Variants in SSC5D observed in about 807,000 individuals in gnomAD.
SSC5D encodes the protein soluble scavenger receptor cysteine-rich domain-containing protein SSC5D.
SSC5D carries 106 observed loss-of-function variants against 104.6 expected under a neutral mutation model. The observed-to-expected ratio is 1.01, with a 90% confidence interval of 0.87 to 1.19. SSC5D has a LOEUF of 1.19. SSC5D is among the 50% of genes most tolerant of loss of function. SSC5D has a pLI of 0.00. For missense variants in SSC5D, 1,993 were observed against 2,153.8 expected, an observed-to-expected ratio of 0.93 and a Z score of 1.48; for synonymous variants, 860 against 883.5, an observed-to-expected ratio of 0.97 and a Z score of 0.47.
At chr19:55,493,500 G>A in intron 6 of SSC5D, 95 bp from the exon 7 acceptor site, 3 of 1,101,050 alleles carry the variant, frequency 2.7e-6, no homozygotes, top group Non-Finnish European at 2.4e-6. Flanking sequence ...TTGCTTCCCA[G>A]AGTCATCTTG....
At chr19:55,504,742 T>G (rs1354022720) in intron 12 of SSC5D, among the ~76,000 whole-genome samples, 1 of 152,066 alleles carries the variant, frequency 6.6e-6, no homozygotes, top group East Asian at 1.9e-4. Context: ...CGTGATCCAC[T>G]CGCCTTGGCC....
intron 13 of SSC5D, among the ~76,000 whole-genome samples, chr19:55,515,090 G>A (rs996297759): frequency 6.6e-6 from 1 of 152,154 alleles, no homozygotes; most frequent in African/African-American, 2.4e-5. Flanking sequence ...AGATCTGTGT[G>A]GTTCAATACG....
At chr19:55,504,130 G>T (rs1179505666) in intron 12 of SSC5D, 1 of 1,535,414 alleles carries the variant, frequency 6.5e-7, no homozygotes. Context: ...GGAAGCGGGA[G>T]CTCCGAGAGG....
chr19:55,500,917 G>T lies in SSC5D; in HGVS notation c.2617+113G>T. 2.0e-6 allele frequency: 3 copies of T among 1,499,020 alleles called. No individual in the cohort carries two copies. Among genetic ancestry groups the T allele is most frequent in the Non-Finnish European group, 2.7e-6 (3 of 1,111,038 alleles). The allele number at this position is 1,499,020 out of a possible 1,614,324, so 92.9% of individuals were successfully genotyped here. On this transcript the variant is annotated intron_variant, in intron 11 of 13. Transcript: ENST00000389623. This position sits in a 1 kb window ranked among gnomAD's most constrained non-coding sequence, Gnocchi z 4.6. Reference sequence around the variant, plus strand: ...GACTCTAAAGAACTGGGTATGAGGGGTCGGGGTGGGGAGATCCCAGAGTTG... The same window carrying T: ...GACTCTAAAGAACTGGGTATGAGGGTTCGGGGTGGGGAGATCCCAGAGTTG...
chr19:55,507,943 G>A (rs1987674973), intron 12 of SSC5D, among the ~76,000 whole-genome samples: 2 of 152,090 alleles, frequency 1.3e-5, no homozygotes, highest in African/African-American at 4.8e-5. Flanking sequence ...GACCAAGGGA[G>A]ATGTGGATGT....
At chr19:55,491,209 C>T (rs1455113837) in intron 6 of SSC5D, 129 bp downstream of exon 6, 16 of 1,034,928 alleles carry the variant, frequency 1.5e-5, no homozygotes, top group South Asian at 3.4e-5. Context: ...GCATGCCCAG[C>T]GCCCACTCAC....
intron 13 of SSC5D, among the ~76,000 whole-genome samples, chr19:55,514,849 C>T (rs541324968): frequency 2.0e-5 from 3 of 152,180 alleles, no homozygotes; most frequent in East Asian, 3.9e-4. Context: ...AAGGGAGATA[C>T]GCGGATCATC....
intron 8 of SSC5D, among the ~76,000 whole-genome samples, chr19:55,495,523 G>A (rs1022044879): frequency 2.2e-4 from 33 of 149,900 alleles, no homozygotes; most frequent in Middle Eastern, 3.5e-3. Flanking sequence ...GTGAGCCACC[G>A]TGCCTGGTCT....
intron 1 of SSC5D, 41 bp downstream of exon 1, chr19:55,488,655 C>T: frequency 2.0e-6 from 3 of 1,531,134 alleles, no homozygotes; most frequent in Non-Finnish European, 2.7e-6. Flanking sequence ...GGGGCCTAGG[C>T]CCCCACCTCT....
intron 1 of SSC5D, 113 bp from the exon 2 acceptor site, chr19:55,488,893 T>G: frequency 2.2e-5 from 2 of 92,756 alleles, no homozygotes; most frequent in South Asian, 1.7e-4. Flanking sequence ...TGTGTGTGTG[T>G]GTGTGTGTGT....
At chr19:55,491,201 A>T in intron 6 of SSC5D, 121 bp downstream of exon 6, 1 of 1,153,200 alleles carries the variant, frequency 8.7e-7, no homozygotes. Context: ...TGCTCTCTGC[A>T]TGCCCAGCGC....
chr19:55,495,598 G>A (rs1401351751), intron 8 of SSC5D, among the ~76,000 whole-genome samples: 1 of 151,854 alleles, frequency 6.6e-6, no homozygotes, highest in Non-Finnish European at 1.5e-5. Flanking sequence ...GAGGTATGGT[G>A]AGGCCAGGAT....
intron 4 of SSC5D, 132 bp from the exon 5 acceptor site, chr19:55,490,154 GCCCGCCCCCTGC>G (rs1448089765): frequency 1.6e-6 from 1 of 606,996 alleles, no homozygotes; most frequent in Non-Finnish European, 2.9e-6. Flanking sequence ...GGGACACACA[GCCCGCCCCCTGC>G]CCCGCCCCGT....
At chr19:55,491,292 C>T in intron 6 of SSC5D, 1 of 615,484 alleles carries the variant, frequency 1.6e-6, no homozygotes, top group Non-Finnish European at 2.8e-6. Flanking sequence ...AGGCTTGAGG[C>T]TTGGGCTAGT....
Position 55,493,785 on chromosome 19 carries a change from G to A in SSC5D, c.1086G>A (p.Gly362=). The change falls in exon 7 of 14, where the codon GGG becomes GGA. Residue 362 remains glycine, a synonymous_variant. Transcript: ENST00000389623. ...CCGGGGGCGCCTTCTTTGGGGAGGGGTCTGGACCCATCATCCTGGACGACC... is the reference window on the plus strand; with the variant it reads ...CCGGGGGCGCCTTCTTTGGGGAGGGATCTGGACCCATCATCCTGGACGACC... ...AAPGGAFFGE[G]SGPIILDDLR... is the part of the protein sequence containing the mutation. 6.5e-7 allele frequency: 1 copy of A among 1,548,072 alleles called. No individual in the cohort carries two copies. The highest frequency in any genetic ancestry group is 8.7e-7 in the Non-Finnish European group (1 of 1,146,292).
At chr19:55,512,990 C>A (rs897806860) in intron 12 of SSC5D, 21 bp from the exon 13 acceptor site, 4 of 1,551,748 alleles carry the variant, frequency 2.6e-6, no homozygotes, top group Non-Finnish European at 2.6e-6. Context: ...AGACTCAATC[C>A]TCTTCCCCAT....
At position 55,494,709 on chromosome 19, in the gene SSC5D, A is replaced by T; in HGVS notation, c.1313A>T (p.Gln438Leu). 1 of 1,550,540 alleles carries T rather than the reference A, an allele frequency of 6.4e-7. No homozygotes were observed. The highest frequency in any genetic ancestry group is 8.7e-7 in the Non-Finnish European group (1 of 1,146,666). Reference protein sequence around the residue: ...ASRPPSTMTSQAPGTAGVSPP... With the variant: ...ASRPPSTMTSLAPGTAGVSPP... Reference sequence around the variant, plus strand: ...AGGCCCCCGTCCACCATGACGAGCCAGGCTCCAGGGACGGCAGGCGTTTCA... The same window carrying T: ...AGGCCCCCGTCCACCATGACGAGCCTGGCTCCAGGGACGGCAGGCGTTTCA... The change falls in exon 8 of 14, where the codon CAG (glutamine) becomes CTG (leucine). Residue 438 changes from glutamine (Q) to leucine (L), a missense_variant. By Grantham distance (113) the Gln-to-Leu change is moderately radical. This residue lies in a region of SSC5D where 1,101 missense variants were observed against 1,085.0 expected (regional missense o/e 1.01). Coordinates refer to ENST00000389623, the MANE Select transcript of SSC5D (RefSeq NM_001144950.2).
chr19:55,507,558 C>T (rs538097648), intron 12 of SSC5D, among the ~76,000 whole-genome samples: 2 of 149,116 alleles, frequency 1.3e-5, no homozygotes, highest in East Asian at 2.0e-4. Flanking sequence ...CCCAGCTACT[C>T]GGGAGGCTGA....
At position 55,494,321 on chromosome 19, in the gene SSC5D, C is replaced by A. The variant is rs8106550; in HGVS notation, c.1214-289C>A. 3.4e-3 allele frequency among the ~76,000 whole-genome samples: 525 copies of A among 152,264 alleles called. 3 individuals carry two copies. The highest frequency in any genetic ancestry group is 0.012 in the African/African-American group (510 of 41,552). ...AGCCCTGGCTGGCCCTGCCTCCTGGCCCCCGGCGGAAGCCAGCCTTCTCCT... is the reference window on the plus strand; with the variant it reads ...AGCCCTGGCTGGCCCTGCCTCCTGGACCCCGGCGGAAGCCAGCCTTCTCCT... On this transcript the variant is annotated intron_variant, in intron 7 of 13. Coordinates refer to ENST00000389623, the MANE Select transcript of SSC5D (RefSeq NM_001144950.2).
Sources: gnomAD v4.1 joint callset for allele counts (sites outside exome capture counted in the v4.1 genomes callset) on GRCh38, gnomAD v4.1.1 for gene constraint, gnomAD v4.1.1 regional missense constraint, Gnocchi (gnomAD v3.1) non-coding constraint, MANE v1.5 for transcripts, NCBI Gene and HGNC (gene_info 2026-07-23, HGNC 2026-07-21) for gene names.